Variants in TSBP1 observed in about 807,000 individuals in gnomAD.
The protein encoded by TSBP1 is testis-expressed basic protein 1.
Under a neutral mutation model 68.8 loss-of-function variants are expected in TSBP1, and 56 were observed. That is an observed-to-expected ratio of 0.81 (90% CI 0.66 to 1.02). The LOEUF (loss-of-function observed/expected upper bound fraction) is 1.02, where lower values mean the gene tolerates loss of function less well. Ranked by LOEUF, TSBP1 falls within the 50% of genes least tolerant of loss-of-function variation. The pLI is 0.00. For missense variants in TSBP1, 502 were observed against 641.2 expected (o/e 0.78, Z 2.34); for synonymous variants, 171 against 208.7 (o/e 0.82, Z 1.56).
At position 32,313,571 on chromosome 6, in the gene TSBP1, AG is replaced by A. The variant is rs751451270; in HGVS notation, c.580+2200del. Reference sequence around the variant, plus strand: ...ATTCTCCAATTTGTTGGGACTTGTGAGGTATCACTCATATGGTGCTGGATTT... The same window carrying A: ...ATTCTCCAATTTGTTGGGACTTGTGAGTATCACTCATATGGTGCTGGATTT... On this transcript the variant is annotated intron_variant, in intron 19 of 22. Coordinates refer to ENST00000612031, the Ensembl canonical transcript of TSBP1. Among the ~76,000 whole-genome samples, 84 of 152,034 alleles carry A rather than the reference AG, an allele frequency of 5.5e-4. No individual in the cohort carries two copies. In the Middle Eastern group the frequency reaches 0.01, roughly 18 times the overall value.
Position 32,361,631 on chromosome 6 carries a change from T to C in TSBP1, c.217+4536A>G, listed in dbSNP as rs1462705646. ...TTTGCATTTCTCTGATGGCCAGTGA[T>C]GATGAGTATTTTTTCATATGTCTGT... On this transcript the variant is annotated intron_variant, in intron 6 of 22. Transcript: ENST00000612031. This position sits in a 1 kb window ranked among gnomAD's most constrained non-coding sequence, Gnocchi z 4.3. Among the ~76,000 whole-genome samples the C allele has an allele frequency of 6.6e-6, 1 of 152,104 alleles. No individual in the cohort carries two copies. Among genetic ancestry groups the C allele is most frequent in the Non-Finnish European group, 1.5e-5 (1 of 67,980 alleles).
At chr6:32,312,650 C>T (rs933636265) in intron 19 of TSBP1, among the ~76,000 whole-genome samples, 2 of 152,216 alleles carry the variant, frequency 1.3e-5, no homozygotes, top group African/African-American at 4.8e-5. Context: ...TAAATCTGCT[C>T]TTCTCCACTA....
At position 32,333,971 on chromosome 6, in the gene TSBP1, C is replaced by T; in HGVS notation, c.472+1466G>A. ...GTTACACATTTAGATATTATGCTAA[C>T]TTAATAGTTGCTTTGCCTGTATCTA... is the stretch of plus-strand genomic sequence containing the variant. On this transcript the variant is annotated intron_variant, in intron 14 of 22. Transcript: ENST00000612031. The surrounding 1 kb of genome is among the most constrained non-coding windows in gnomAD (Gnocchi z 4.2). 1 of 286,810 alleles carries T rather than the reference C, an allele frequency of 3.5e-6. No homozygotes were observed. The highest frequency in any genetic ancestry group is 3.0e-5 in the South Asian group (1 of 33,734). The allele number at this position is 286,810 out of a possible 1,614,324, so 17.8% of individuals were successfully genotyped here.
intron 22 of TSBP1, among the ~76,000 whole-genome samples, chr6:32,295,356 A>C (rs151240868): frequency 0.14 from 20,002 of 147,974 alleles, 2,359 homozygotes; most frequent in African/African-American, 0.31. Context: ...ACACAAAAAA[A>C]AAAAAAAAAA....
chr6:32,308,373 C>A (rs57433605), intron 19 of TSBP1, among the ~76,000 whole-genome samples: 2 of 151,052 alleles, frequency 1.3e-5, no homozygotes, highest in Non-Finnish European at 3.0e-5. Flanking sequence ...CCGAGGCGGG[C>A]GGATCACGAG....
At position 32,292,973 on chromosome 6, in the gene TSBP1, A is replaced by C. The variant is rs750162853; in HGVS notation, c.*8T>G. On this transcript the variant is annotated 3_prime_UTR_variant, in exon 23 of 23. Coordinates refer to ENST00000612031, the Ensembl canonical transcript of TSBP1. The surrounding 1 kb of genome is among the most constrained non-coding windows in gnomAD (Gnocchi z 4.1). ...CACTTGTCTTATGGGCCTTTAAAAAATTTATCCTTACTCTTCCACTTTTTT... is the reference window on the plus strand; with the variant it reads ...CACTTGTCTTATGGGCCTTTAAAAACTTTATCCTTACTCTTCCACTTTTTT... 9.5e-6 allele frequency: 15 copies of C among 1,575,884 alleles called. No individual in the cohort carries two copies. The South Asian group carries it at 1.6e-4, about 17-fold the overall frequency.
intron 9 of TSBP1, among the ~76,000 whole-genome samples, chr6:32,345,179 T>C (rs1770856548): frequency 7.8e-6 from 1 of 128,386 alleles, no homozygotes; most frequent in Admixed American, 8.7e-5. Flanking sequence ...TTTTTTTTCT[T>C]TTTCCTCTAC....
At chr6:32,371,653 A>G in intron 1 of TSBP1, 41 bp downstream of exon 1, 2 of 1,431,922 alleles carry the variant, frequency 1.4e-6, no homozygotes, top group East Asian at 2.3e-5. Flanking sequence ...CTCCTGAACT[A>G]CTAGAGTTGA....
intron 14 of TSBP1, among the ~76,000 whole-genome samples, chr6:32,334,969 G>T (rs139722299): frequency 1.6e-3 from 244 of 152,310 alleles, no homozygotes; most frequent in Middle Eastern, 6.8e-3. Context: ...ACGAGGTGGA[G>T]CTTGCAGTGA....
rs1769698492 is a variant in TSBP1 at position 32,336,575 on chromosome 6, A to G, written c.430+40T>C. The G allele has an allele frequency of 6.3e-7, 1 of 1,576,338 alleles. No individual in the cohort carries two copies. Among genetic ancestry groups the G allele is most frequent in the Non-Finnish European group, 8.7e-7 (1 of 1,146,736 alleles). On this transcript the variant is annotated intron_variant, in intron 12 of 22. Transcript: ENST00000612031. The surrounding 1 kb of genome is among the most constrained non-coding windows in gnomAD (Gnocchi z 5.2). ...GGCCCCAAGACCTTGTAGGTCAGAT[A>G]TCAAAGGGACCAGAGTGGAAAAACA...
exon 23 of TSBP1, chr6:32,293,741 C>A (rs762252379): frequency 6.2e-7 from 1 of 1,612,866 alleles, no homozygotes; most frequent in Non-Finnish European, 8.5e-7. Flanking sequence ...ACTCATCTCA[C>A]TGATTTTTAG....
intron 18 of TSBP1, 85 bp from the exon 20 acceptor site, chr6:32,322,591 G>C (rs1448669105): frequency 2.0e-6 from 2 of 1,004,264 alleles, no homozygotes; most frequent in Non-Finnish European, 3.2e-6. Context: ...GCTGGAGTCT[G>C]TGAGGGGAGG....
Position 32,336,612 on chromosome 6 carries a change from T to TA in TSBP1, c.430+2dup. 1 of 1,612,146 alleles carries TA rather than the reference T, an allele frequency of 6.2e-7. No homozygotes were observed. The highest frequency in any genetic ancestry group is 8.5e-7 in the Non-Finnish European group (1 of 1,179,272). On this transcript the variant is annotated splice_region_variant and intron_variant, in intron 12 of 22. Transcript: ENST00000612031. The surrounding 1 kb of genome is among the most constrained non-coding windows in gnomAD (Gnocchi z 5.2). ...AGAGTGGAAAAACAAACTTGATACT[T>TA]ACGAATAGGGGCTGTGAATTGCACT... is the stretch of plus-strand genomic sequence containing the variant.
chr6:32,368,278 A>G (rs1773994677), intron 3 of TSBP1, among the ~76,000 whole-genome samples: 1 of 152,142 alleles, frequency 6.6e-6, no homozygotes, highest in Non-Finnish European at 1.5e-5. Flanking sequence ...TTTCTTAACA[A>G]CTTTGGCATC....
At chr6:32,328,031 C>T (rs1427395637) in intron 16 of TSBP1, among the ~76,000 whole-genome samples, 2 of 151,862 alleles carry the variant, frequency 1.3e-5, no homozygotes, top group Non-Finnish European at 2.9e-5. Flanking sequence ...GTCTCCATCT[C>T]CTGACTTCGT....
rs1409365132 is a variant in TSBP1, at chr6:32,336,982, T to A, written c.410-347A>T. On this transcript the variant is annotated intron_variant, in intron 11 of 22. Transcript: ENST00000612031. This position sits in a 1 kb window ranked among gnomAD's most constrained non-coding sequence, Gnocchi z 5.2. ...ATCAGAAGGTGTCAGAAGATTTGAA[T>A]ACAATTAAGAAGTATGAGTGAGAAA... Among the ~76,000 whole-genome samples, 1 of 152,150 alleles carries A rather than the reference T, an allele frequency of 6.6e-6. No individual in the cohort carries two copies. Among genetic ancestry groups the A allele is most frequent in the African/African-American group, 2.4e-5 (1 of 41,420 alleles).
At chr6:32,362,272 G>C (rs1288279680) in intron 6 of TSBP1, among the ~76,000 whole-genome samples, 1 of 134,446 alleles carries the variant, frequency 7.4e-6, no homozygotes, top group Non-Finnish European at 1.5e-5. Context: ...CTGGGCAACA[G>C]AGCCAGACTC....
exon 17 of TSBP1, chr6:32,323,605 G>A (rs755741458): frequency 1.2e-6 from 2 of 1,612,262 alleles, no homozygotes; most frequent in Non-Finnish European, 1.7e-6. Context: ...GGGTGCTGAA[G>A]GTGGACCAGC....
intron 16 of TSBP1, among the ~76,000 whole-genome samples, chr6:32,327,701 T>C (rs1298461398): frequency 3.4e-5 from 5 of 147,990 alleles, no homozygotes; most frequent in African/African-American, 4.9e-5. Context: ...TTGCCCAGGC[T>C]GGAGTGCAGT....
Sources: gnomAD v4.1 joint callset for allele counts (sites outside exome capture counted in the v4.1 genomes callset) on GRCh38, gnomAD v4.1.1 for gene constraint, Gnocchi (gnomAD v3.1) non-coding constraint, MANE v1.5 for transcripts, NCBI Gene and HGNC (gene_info 2026-07-23, HGNC 2026-07-21) for gene names.